Variants in ASXL3 observed in about 807,000 individuals in gnomAD.
The protein encoded by ASXL3 is putative Polycomb group protein ASXL3.
In ASXL3, 34 loss-of-function variants were observed where a neutral mutation model predicts 170.6. The observed-to-expected ratio is 0.20, with a 90% CI of 0.15 to 0.27. The LOEUF (loss-of-function observed/expected upper bound fraction) is 0.27. Among genes scored for constraint, ASXL3 ranks in the 10% least tolerant of loss-of-function variants. The probability of loss-of-function intolerance (pLI) is 1.00; values close to 1 mark genes in which losing one functional copy is unlikely to be tolerated. For missense variants in ASXL3, 2,592 were observed against 2,695.3 expected, an observed-to-expected ratio of 0.96 and a Z score of 0.85; for synonymous variants, 1,002 against 989.1, an observed-to-expected ratio of 1.01 and a Z score of -0.24.
Position 33,742,824 on chromosome 18 carries a change from C to G in ASXL3, c.3040-64C>G, listed in dbSNP as rs2036306527. 3 of 1,500,308 alleles carry G rather than the reference C, an allele frequency of 2.0e-6. No individual in the cohort carries two copies. The Admixed American group carries it at 7.2e-5, about 36-fold the overall frequency. 92.9% of individuals were successfully genotyped at this position (1,500,308 alleles called of 1,614,324 possible). ...GTCTTTTCCCTTGCATTATCACATTCTACGTGCCTCCTCTGTGATCATGTA... is the reference window on the plus strand; with the variant it reads ...GTCTTTTCCCTTGCATTATCACATTGTACGTGCCTCCTCTGTGATCATGTA... On this transcript the variant is annotated intron_variant, in intron 11 of 11. Transcript: ENST00000269197.
At chr18:33,629,893 G>A (rs12959766) in intron 2 of ASXL3, among the ~76,000 whole-genome samples, 12 of 151,904 alleles carry the variant, frequency 7.9e-5, no homozygotes, top group Non-Finnish European at 1.6e-4. Flanking sequence ...CTATTAGCTT[G>A]CAACATTGTT....
Position 33,739,084 on chromosome 18 carries a change from G to A in ASXL3, c.1680G>A (p.Glu560=). The change falls in exon 11 of 12, where the codon GAG becomes GAA. Residue 560 remains glutamate (E), a synonymous_variant. Transcript: ENST00000269197. ...MTHVSDTEHK[E]SETAVETSTP... is the part of the protein sequence containing the mutation. ...ATGTCAGTGACACAGAACATAAGGA[G>A]TCAGAAACTGCAGTAGAGACCAGTA... 1 of 1,613,230 alleles carries A rather than the reference G, an allele frequency of 6.2e-7. No individual in the cohort carries two copies. The highest frequency in any genetic ancestry group is 8.5e-7 in the Non-Finnish European group (1 of 1,179,638).
intron 2 of ASXL3, among the ~76,000 whole-genome samples, chr18:33,619,932 G>A (rs780734037): frequency 5.3e-5 from 8 of 152,030 alleles, no homozygotes; most frequent in Admixed American, 5.2e-4. Context: ...TTTGAGATAC[G>A]TGTCTAGGCA....
In ASXL3 at chr18:33,740,310, A is replaced by C; in HGVS notation, c.2906A>C (p.Gln969Pro). The C allele has an allele frequency of 6.2e-7, 1 of 1,612,050 alleles. No individual in the cohort carries two copies. Among genetic ancestry groups the C allele is most frequent in the Non-Finnish European group, 8.5e-7 (1 of 1,178,876 alleles). Residue 969 changes from glutamine to proline, a missense_variant, in exon 11 of 12, where the codon CAA becomes CCA. Around this residue, in one of 4 missense-constraint regions of ASXL3, gnomAD observed 2,246 missense variants for 2,219.6 expected, o/e 1.01. Transcript: ENST00000269197. Reference protein sequence around the residue: ...SEISKRKTAEQHSFGICKEKR... With the variant: ...SEISKRKTAEPHSFGICKEKR... ...ATATCAAAGAGAAAAACTGCAGAGC[A>C]ACACAGCTTTGGAATCTGTAAGGAA...
intron 4 of ASXL3, among the ~76,000 whole-genome samples, chr18:33,660,199 A>G (rs1274925293): frequency 6.6e-6 from 1 of 152,146 alleles, no homozygotes; most frequent in Non-Finnish European, 1.5e-5. Flanking sequence ...ATAGAAATAT[A>G]TACCTTATTG....
At chr18:33,715,835 G>A (rs2067155833) in intron 8 of ASXL3, among the ~76,000 whole-genome samples, 1 of 152,122 alleles carries the variant, frequency 6.6e-6, no homozygotes, top group Non-Finnish European at 1.5e-5. Context: ...TAAAGAGAAG[G>A]GGATAGAATG....
intron 2 of ASXL3, among the ~76,000 whole-genome samples, chr18:33,629,800 A>T (rs191608339): frequency 6.6e-6 from 1 of 152,224 alleles, no homozygotes; most frequent in East Asian, 1.9e-4. Flanking sequence ...TCTGTAAAAC[A>T]AAAGTAATAC....
At chr18:33,633,647 T>G (rs564999316) in intron 2 of ASXL3, among the ~76,000 whole-genome samples, 15 of 151,866 alleles carry the variant, frequency 9.9e-5, no homozygotes, top group East Asian at 3.9e-4. Flanking sequence ...ATTGAGACCA[T>G]CCTGGCCAAC....
At chr18:33,686,945 G>A (rs1037909772) in intron 8 of ASXL3, among the ~76,000 whole-genome samples, 1 of 152,228 alleles carries the variant, frequency 6.6e-6, no homozygotes, top group Non-Finnish European at 1.5e-5. Flanking sequence ...AAGACACAGA[G>A]AGGCTGGTTA....
chr18:33,658,758 T>G (rs1430072647), intron 4 of ASXL3, among the ~76,000 whole-genome samples: 1 of 152,084 alleles, frequency 6.6e-6, no homozygotes, highest in African/African-American at 2.4e-5. Context: ...GGGAGAAAAT[T>G]GACTACCTAG....
chr18:33,584,105 A>G (rs2065015218), intron 1 of ASXL3, among the ~76,000 whole-genome samples: 1 of 152,190 alleles, frequency 6.6e-6, no homozygotes, highest in African/African-American at 2.4e-5. Flanking sequence ...TCAATGGATT[A>G]GGTGAAACTT....
At position 33,609,044 on chromosome 18, in the gene ASXL3, C is replaced by G. The variant is rs186604734; in HGVS notation, c.137+1368C>G. ...CCACGCTGTGTTTGTGCTAGTTGTTCCCCCAGAAAGTGGAGGCAGCAGTGG... is the reference window on the plus strand; with the variant it reads ...CCACGCTGTGTTTGTGCTAGTTGTTGCCCCAGAAAGTGGAGGCAGCAGTGG... On this transcript the variant is annotated intron_variant, in intron 2 of 11. Transcript: ENST00000269197. 7.1e-6 allele frequency: 7 copies of G among 984,588 alleles called. No homozygotes were observed. The African/African-American group carries it at 1.2e-4, about 17-fold the overall frequency. 61.0% of individuals were successfully genotyped at this position (984,588 alleles called of 1,614,324 possible).
chr18:33,661,854 C>G, intron 5 of ASXL3, 117 bp downstream of exon 5: 4 of 1,147,818 alleles, frequency 3.5e-6, no homozygotes, highest in East Asian at 2.8e-5. Flanking sequence ...TTCCTGAATT[C>G]AATCCCATCC....
At chr18:33,686,264 A>G (rs1179580599) in intron 8 of ASXL3, among the ~76,000 whole-genome samples, 3 of 152,222 alleles carry the variant, frequency 2.0e-5, no homozygotes, top group African/African-American at 4.8e-5. Flanking sequence ...TACAAGAATG[A>G]ATCTTGTGGA....
intron 5 of ASXL3, among the ~76,000 whole-genome samples, chr18:33,666,611 A>C (rs1016205209): frequency 1.3e-5 from 2 of 152,188 alleles, no homozygotes; most frequent in Non-Finnish European, 2.9e-5. Flanking sequence ...TTTCTATTAT[A>C]TATGTAGCAT....
intron 4 of ASXL3, among the ~76,000 whole-genome samples, chr18:33,650,721 A>G (rs2065984173): frequency 6.6e-6 from 1 of 152,142 alleles, no homozygotes; most frequent in Non-Finnish European, 1.5e-5. Flanking sequence ...TGTGACAAAA[A>G]TTAGATTTCC....
chr18:33,701,607 T>G (rs76053406), intron 8 of ASXL3, among the ~76,000 whole-genome samples: 2,275 of 152,192 alleles, frequency 0.015, 64 homozygotes, highest in African/African-American at 0.052. Context: ...GCTGTTAATA[T>G]TATTCTAGTT....
At chr18:33,628,982 G>A (rs939758513) in intron 2 of ASXL3, among the ~76,000 whole-genome samples, 10 of 152,074 alleles carry the variant, frequency 6.6e-5, no homozygotes, top group African/African-American at 2.4e-4. Context: ...TAGTCAGAGA[G>A]GATGTTGTTT....
intron 2 of ASXL3, among the ~76,000 whole-genome samples, chr18:33,624,781 A>G (rs1266964280): frequency 6.6e-6 from 1 of 152,130 alleles, no homozygotes; most frequent in Non-Finnish European, 1.5e-5. Flanking sequence ...GGAGGTGCAT[A>G]TGTATGTAGG....
Sources: allele counts gnomAD v4.1 joint callset (sites outside exome capture counted in the v4.1 genomes callset), GRCh38; gene constraint gnomAD v4.1.1; regional missense constraint gnomAD v4.1.1; transcripts MANE v1.5; gene names NCBI Gene and HGNC (gene_info 2026-07-23, HGNC 2026-07-21).